Variants in VWA3B observed in about 807,000 individuals in gnomAD.
VWA3B encodes the protein von Willebrand factor A domain-containing protein 3B.
A neutral mutation model predicts 158.3 loss-of-function variants in VWA3B; 138 were observed. The observed-to-expected ratio is 0.87, with a 90% confidence interval of 0.76 to 1.00. The LOEUF (loss-of-function observed/expected upper bound fraction) is 1.00, where lower values mean the gene tolerates loss of function less well. Ranked by LOEUF, VWA3B falls within the 50% of genes least tolerant of loss-of-function variation. The probability of loss-of-function intolerance (pLI) is 0.00; values close to 1 mark genes in which losing one functional copy is unlikely to be tolerated. For synonymous variants in VWA3B, 596 were observed against 587.3 expected (o/e 1.01, Z -0.21); for missense variants, 1,555 against 1,565.1 (o/e 0.99, Z 0.11).
chr2:98,223,315 A>T (rs1684660408), intron 14 of VWA3B, among the ~76,000 whole-genome samples: 1 of 151,810 alleles, frequency 6.6e-6, no homozygotes. Context: ...GACCAAAAAA[A>T]AAAAAAAAGG....
intron 9 of VWA3B, among the ~76,000 whole-genome samples, chr2:98,182,368 A>AT (rs1445714421): frequency 1.3e-5 from 2 of 152,246 alleles, no homozygotes; most frequent in African/African-American, 4.8e-5. Flanking sequence ...CGTCGGGGCT[A>AT]TGTGAGCCAC....
At chr2:98,211,794 C>A in intron 12 of VWA3B, 136 bp from the exon 13 acceptor site, 1 of 731,012 alleles carries the variant, frequency 1.4e-6, no homozygotes, top group Non-Finnish European at 2.2e-6. Flanking sequence ...TGGGGTTAAA[C>A]TATTATCTCA....
chr2:98,194,613 C>T, intron 12 of VWA3B, 121 bp downstream of exon 12: 1 of 1,179,436 alleles, frequency 8.5e-7, no homozygotes, highest in South Asian at 1.7e-5. Flanking sequence ...AGTGGCTTAA[C>T]ATGTAGACTT....
chr2:98,211,481 C>T, intron 12 of VWA3B, among the ~76,000 whole-genome samples: 1 of 152,100 alleles, frequency 6.6e-6, no homozygotes, highest in Non-Finnish European at 1.5e-5. Context: ...TAGATATGCC[C>T]ACATGTACAT....
intron 12 of VWA3B, among the ~76,000 whole-genome samples, chr2:98,203,279 T>A (rs866557255): frequency 5.9e-5 from 9 of 152,248 alleles, no homozygotes; most frequent in Non-Finnish European, 8.8e-5. Flanking sequence ...CCTGTTCTGT[T>A]CTATTGTTAT....
intron 21 of VWA3B, among the ~76,000 whole-genome samples, chr2:98,270,331 C>T (rs969668797): frequency 1.3e-5 from 2 of 152,010 alleles, no homozygotes; most frequent in African/African-American, 2.4e-5. Context: ...TCTTTGAAGC[C>T]CATGTTTGGT....
intron 7 of VWA3B, among the ~76,000 whole-genome samples, chr2:98,135,821 C>A (rs1027966010): frequency 2.0e-5 from 3 of 152,140 alleles, no homozygotes; most frequent in African/African-American, 7.2e-5. Context: ...GCCCAGAAAC[C>A]TTGACAGACT....
intron 16 of VWA3B, 140 bp from the exon 17 acceptor site, chr2:98,234,507 GT>G (rs1685545514): frequency 1.6e-6 from 2 of 1,279,420 alleles, no homozygotes; most frequent in African/African-American, 1.5e-5. Context: ...GCAGCATTCA[GT>G]TTGTGGCAGC....
chr2:98,101,049 A>G (rs1304286550), intron 2 of VWA3B, among the ~76,000 whole-genome samples: 1 of 152,152 alleles, frequency 6.6e-6, no homozygotes, highest in African/African-American at 2.4e-5. Flanking sequence ...AGTTATTTGT[A>G]TTTACTGATA....
chr2:98,265,312 C>T (rs1192107508), intron 21 of VWA3B, among the ~76,000 whole-genome samples: 19 of 150,774 alleles, frequency 1.3e-4, no homozygotes, highest in Non-Finnish European at 2.5e-4. Context: ...TTTGTTCTTG[C>T]GATAGTTTAC....
chr2:98,180,529 T>C (rs1680479584), intron 8 of VWA3B, among the ~76,000 whole-genome samples: 2 of 152,208 alleles, frequency 1.3e-5, no homozygotes, highest in Admixed American at 6.5e-5. Context: ...GCAGTTTACC[T>C]AGGAAGGCCA....
At chr2:98,128,430 G>A (rs755576505) in intron 6 of VWA3B, 22 bp downstream of exon 6, 1 of 1,607,228 alleles carries the variant, frequency 6.2e-7, no homozygotes, top group South Asian at 1.1e-5. Flanking sequence ...ATGTGCTCTT[G>A]AGTGACAGCA....
At chr2:98,160,312 GT>G (rs550722764) in intron 7 of VWA3B, among the ~76,000 whole-genome samples, 4 of 152,072 alleles carry the variant, frequency 2.6e-5, no homozygotes, top group Non-Finnish European at 4.4e-5. Context: ...CTTTTTCACT[GT>G]TTTTTTGTTT....
rs572218100 is a variant in VWA3B, at chr2:98,132,508, G to T, written c.873-1316G>T. 2.8e-3 allele frequency among the ~76,000 whole-genome samples: 430 copies of T among 152,356 alleles called. 2 individuals are homozygous for T. Among genetic ancestry groups the T allele is most frequent in the African/African-American group, 9.1e-3 (380 of 41,590 alleles). On this transcript the variant is annotated intron_variant, in intron 6 of 27. Coordinates refer to ENST00000477737, the MANE Select transcript of VWA3B (RefSeq NM_144992.5). ...ACCACCAGTCCAAGCACAGCGCTGT[G>T]CTCTAAGGCTCAAACAGCCTGTCAT... is the stretch of plus-strand genomic sequence containing the variant.
chr2:98,322,827 G>T, the VWA3B span, among the ~76,000 whole-genome samples: 2 of 152,166 alleles, frequency 1.3e-5, no homozygotes, highest in Non-Finnish European at 1.5e-5. Context: ...AACACCCAAG[G>T]TGCCAGGATA....
intron 22 of VWA3B, among the ~76,000 whole-genome samples, chr2:98,286,714 G>C (rs140063444): frequency 6.6e-6 from 1 of 152,008 alleles, no homozygotes. Flanking sequence ...ACATTCATGG[G>C]GAATATAGGT....
In VWA3B at chr2:98,300,072, T is replaced by C. The variant is rs1558775486; in HGVS notation, c.3283-7T>C. 3 of 1,614,228 alleles carry C rather than the reference T, an allele frequency of 1.9e-6. No homozygotes were observed. Among genetic ancestry groups the C allele is most frequent in the Non-Finnish European group, 2.5e-6 (3 of 1,180,044 alleles). On this transcript the variant is annotated splice_region_variant and splice_polypyrimidine_tract_variant and intron_variant, in intron 24 of 27. Transcript: ENST00000477737. ...GCAAAATATTTGCTCTATGTTCTCC[T>C]CTGCAGGTTGGAGATTATGTGTTTG...
At chr2:98,101,456 G>A (rs1416695840) in intron 2 of VWA3B, among the ~76,000 whole-genome samples, 2 of 151,948 alleles carry the variant, frequency 1.3e-5, no homozygotes, top group African/African-American at 2.4e-5. Context: ...CTTCAATCAG[G>A]GAAATTTCCA....
chr2:98,182,116 G>A (rs916513762), intron 9 of VWA3B, among the ~76,000 whole-genome samples: 3 of 152,222 alleles, frequency 2.0e-5, no homozygotes, highest in Non-Finnish European at 4.4e-5. Context: ...GCAAGCCCAG[G>A]GCAGACAGGC....
Sources: allele counts gnomAD v4.1 joint callset (sites outside exome capture counted in the v4.1 genomes callset), GRCh38; gene constraint gnomAD v4.1.1; transcripts MANE v1.5; gene names NCBI Gene and HGNC (gene_info 2026-07-23, HGNC 2026-07-21).